PRIMA1: variants seen among roughly 807,000 people sequenced by gnomAD.
PRIMA1 encodes the protein proline rich membrane anchor 1, also known as proline-rich membrane anchor 1.
Under a neutral mutation model 17.5 loss-of-function variants are expected in PRIMA1, and 7 were observed. The observed-to-expected ratio is 0.40, with a 90% CI of 0.23 to 0.75. The LOEUF is 0.75. PRIMA1 is among the 30% of genes least tolerant of loss of function. PRIMA1 has a pLI of 0.37. For missense variants in PRIMA1, 200 were observed against 201.8 expected, an observed-to-expected ratio of 0.99 and a Z score of 0.05; for synonymous variants, 97 against 77.9, an observed-to-expected ratio of 1.25 and a Z score of -1.29.
intron 3 of PRIMA1, among the ~76,000 whole-genome samples, chr14:93,746,528 T>C (rs978002111): frequency 9.5e-5 from 14 of 146,874 alleles, no homozygotes; most frequent in Non-Finnish European, 2.0e-4. Context: ...CTAGAGGGAG[T>C]CGCGAGGGGA....
At chr14:93,747,510 T>C (rs1218283672) in intron 3 of PRIMA1, among the ~76,000 whole-genome samples, 1 of 151,924 alleles carries the variant, frequency 6.6e-6, no homozygotes, top group Non-Finnish European at 1.5e-5. Flanking sequence ...GGAGAAGTCA[T>C]GGGAAGGATT....
At chr14:93,771,651 G>A (rs1004461749) in intron 3 of PRIMA1, among the ~76,000 whole-genome samples, 3 of 152,194 alleles carry the variant, frequency 2.0e-5, no homozygotes, top group Non-Finnish European at 2.9e-5. Context: ...GGAGTAGTTC[G>A]TTCTGCAGCC....
rs192810254 is a variant in PRIMA1, at chr14:93,782,129, G to A, written c.94-2818C>T. Among the ~76,000 whole-genome samples, 151 of 152,240 alleles carry A rather than the reference G, an allele frequency of 9.9e-4. No individual in the cohort carries two copies. The Middle Eastern group carries it at 0.01, about 10-fold the overall frequency. On this transcript the variant is annotated intron_variant, in intron 2 of 4. Transcript: ENST00000393140. ...AAAAATACAGAAAAATTAGCCGGGC[G>A]TGGCGGTGGGCACCTGTAGTCCCAG...
chr14:93,743,509 CT>C (rs2076196741), intron 3 of PRIMA1, among the ~76,000 whole-genome samples: 1 of 152,258 alleles, frequency 6.6e-6, no homozygotes, highest in Non-Finnish European at 1.5e-5. Flanking sequence ...GTCACAACCG[CT>C]GACAATGCAG....
rs192159480 is a variant in PRIMA1 at position 93,777,324 on chromosome 14, C to T, written c.229+1852G>A. On this transcript the variant is annotated intron_variant, in intron 3 of 4. Coordinates refer to ENST00000393140, the MANE Select transcript of PRIMA1 (RefSeq NM_178013.4). ...CCTTTTCCCCCAACCTGATTAGCAA[C>T]CTGGAACAATCCCATTCATTCTTTT... 5.6e-4 allele frequency among the ~76,000 whole-genome samples: 83 copies of T among 148,330 alleles called. No individual in the cohort carries two copies. The East Asian group carries it at 0.014, about 25-fold the overall frequency.
Position 93,718,435 on chromosome 14 carries a change from T to C in PRIMA1, c.*3009A>G, listed in dbSNP as rs1371771759. ...CAGGAAACCAACCTTAATGGCTTGT[T>C]GGTGGATAAGACGGCATCAACTTGT... On this transcript the variant is annotated 3_prime_UTR_variant, in exon 5 of 5. Transcript: ENST00000393140. 6.6e-6 allele frequency: 1 copy of C among 152,554 alleles called. No homozygotes were observed. Among genetic ancestry groups the C allele is most frequent in the Non-Finnish European group, 1.5e-5 (1 of 68,048 alleles). The allele number at this position is 152,554 out of a possible 1,614,324, so 9.5% of individuals were successfully genotyped here. A position where few individuals can be genotyped will look rare whatever the true frequency, so the allele number is the denominator to read the frequency against.
At chr14:93,788,841 G>T (rs1475843936), upstream of PRIMA1, among the ~76,000 whole-genome samples, 1 of 151,810 alleles carries the variant, frequency 6.6e-6, no homozygotes, top group African/African-American at 2.4e-5. Context: ...AGCCGGCCGC[G>T]CGAGCCCTCC....
intron 3 of PRIMA1, among the ~76,000 whole-genome samples, chr14:93,766,368 G>A (rs1006629458): frequency 1.3e-5 from 2 of 152,178 alleles, no homozygotes; most frequent in Admixed American, 6.5e-5. Context: ...TGGCCCTTCC[G>A]AGTGTGAGTC....
chr14:93,760,189 G>A (rs1312895013), intron 3 of PRIMA1, among the ~76,000 whole-genome samples: 1 of 152,186 alleles, frequency 6.6e-6, no homozygotes, highest in African/African-American at 2.4e-5. Flanking sequence ...GCCACAGTGA[G>A]GAACCGAACA....
chr14:93,737,815 C>G (rs967351952), intron 3 of PRIMA1, among the ~76,000 whole-genome samples: 1 of 152,188 alleles, frequency 6.6e-6, no homozygotes, highest in East Asian at 1.9e-4. Flanking sequence ...AGGGGCTGAG[C>G]GCCACGCCCC....
chr14:93,761,817 G>A (rs960290088), intron 3 of PRIMA1, among the ~76,000 whole-genome samples: 8 of 152,130 alleles, frequency 5.3e-5, no homozygotes, highest in Non-Finnish European at 1.0e-4. Flanking sequence ...GTGACCTCCC[G>A]CTGGACACCC....
At chr14:93,753,938 G>A (rs1259514737) in intron 3 of PRIMA1, among the ~76,000 whole-genome samples, 1 of 152,184 alleles carries the variant, frequency 6.6e-6, no homozygotes. Flanking sequence ...CACGGGCACC[G>A]TTGCTTATGT....
chr14:93,748,162 G>A (rs906255669), intron 3 of PRIMA1, among the ~76,000 whole-genome samples: 1 of 152,148 alleles, frequency 6.6e-6, no homozygotes, highest in African/African-American at 2.4e-5. Flanking sequence ...GCTGATGGCT[G>A]TGGCCCAGGC....
chr14:93,762,239 T>C lies in PRIMA1; in HGVS notation c.229+16937A>G, dbSNP rs113413564. Among the ~76,000 whole-genome samples the C allele has an allele frequency of 7.0e-3, 1,060 of 152,276 alleles. 8 individuals are homozygous for C. The highest frequency in any genetic ancestry group is 0.025 in the African/African-American group (1,021 of 41,552). On this transcript the variant is annotated intron_variant, in intron 3 of 4. Transcript: ENST00000393140. The stretch of plus-strand genomic sequence containing the variant: ...TTTGCACCAAGAAGCCCTGATGTGA[T>C]AGTGCTCGTCTCCCACCCGGCAGAT...
chr14:93,762,627 G>A (rs558951095), intron 3 of PRIMA1, among the ~76,000 whole-genome samples: 1 of 152,182 alleles, frequency 6.6e-6, no homozygotes, highest in East Asian at 1.9e-4. Flanking sequence ...TGGCAGGCTT[G>A]TAATTGGTCT....
intron 3 of PRIMA1, among the ~76,000 whole-genome samples, chr14:93,773,168 A>G (rs1885116593): frequency 6.6e-6 from 1 of 152,212 alleles, no homozygotes; most frequent in South Asian, 2.1e-4. Flanking sequence ...GCTACATAAT[A>G]CCACCTTTTG....
intron 3 of PRIMA1, among the ~76,000 whole-genome samples, chr14:93,774,662 A>G (rs1006169915): frequency 6.6e-6 from 1 of 152,080 alleles, no homozygotes; most frequent in African/African-American, 2.4e-5. Context: ...GAATTCTCCC[A>G]CGTCTTCCCA....
intron 3 of PRIMA1, among the ~76,000 whole-genome samples, chr14:93,747,349 C>T (rs537784985): frequency 4.7e-4 from 72 of 152,234 alleles, no homozygotes; most frequent in Middle Eastern, 3.4e-3. Context: ...TGCTGCTGGC[C>T]GCTGAAAAGT....
chr14:93,753,671 AC>A (rs1438844091), intron 3 of PRIMA1, among the ~76,000 whole-genome samples: 1 of 152,146 alleles, frequency 6.6e-6, no homozygotes, highest in Non-Finnish European at 1.5e-5. Context: ...AGGCCCGACA[AC>A]AGAGCTTTCC....
Sources: gnomAD v4.1 joint callset for allele counts (sites outside exome capture counted in the v4.1 genomes callset) on GRCh38, gnomAD v4.1.1 for gene constraint, MANE v1.5 for transcripts, NCBI Gene and HGNC (gene_info 2026-07-23, HGNC 2026-07-21) for gene names.